PTPRF: variants seen among roughly 807,000 people sequenced by gnomAD.
PTPRF encodes protein tyrosine phosphatase receptor type F.
Under a neutral mutation model 201.8 loss-of-function variants are expected in PTPRF, and 59 were observed. The observed-to-expected ratio is 0.29, with a 90% CI of 0.24 to 0.36. The LOEUF is 0.36. Among genes scored for constraint, PTPRF ranks in the 10% least tolerant of loss-of-function variants. The pLI, the probability that PTPRF is intolerant of heterozygous loss-of-function variation, is 1.00. For synonymous variants in PTPRF, 1,088 were observed against 1,089.7 expected (o/e 1.00, Z 0.03); for missense variants, 2,132 against 2,690.5 (o/e 0.79, Z 4.59).
chr1:43,573,572 C>A (rs1387888060), intron 6 of PTPRF, among the ~76,000 whole-genome samples: 1 of 152,216 alleles, frequency 6.6e-6, no homozygotes, highest in African/African-American at 2.4e-5. Flanking sequence ...TGTCCCCACC[C>A]CACTCTGCTC....
intron 1 of PTPRF, 28 bp from the exon 2 acceptor site, chr1:43,538,170 G>A (rs1157832015): frequency 7.5e-6 from 3 of 398,440 alleles, no homozygotes; most frequent in African/African-American, 6.2e-5. Flanking sequence ...AATTCTTGAT[G>A]TTTTCTCATG....
At position 43,575,962 on chromosome 1, in the gene PTPRF, G is replaced by A. The variant is rs765068090; in HGVS notation, c.569-2848G>A. The A allele has an allele frequency of 3.2e-5, 43 of 1,363,534 alleles. No individual in the cohort carries two copies. The South Asian group carries it at 4.9e-4, about 16-fold the overall frequency. The allele number at this position is 1,363,534 out of a possible 1,614,324, so 84.5% of individuals were successfully genotyped here. ...CTGTCCGTGCCTCTCGCCACACCAC[G>A]CCTTGCCACTGCCGTCACCTCCACT... On this transcript the variant is annotated intron_variant, in intron 6 of 33. Transcript: ENST00000359947.
Position 43,603,882 on chromosome 1 carries a change from C to A in PTPRF, c.2730C>A (p.Thr910=). ...LGEEFEKEIR[T]PEDLPSGFPQ... is the part of the protein sequence containing the mutation. Reference sequence around the variant, plus strand: ...AGGAGTTCGAGAAGGAGATCAGGACCCCCGAGGACCTGCCCAGCGGCTTCC... The same window carrying A: ...AGGAGTTCGAGAAGGAGATCAGGACACCCGAGGACCTGCCCAGCGGCTTCC... The change falls in exon 16 of 34, where the codon ACC becomes ACA. Residue 910 remains threonine, a synonymous_variant. Transcript: ENST00000359947. The surrounding 1 kb of genome is among the most constrained non-coding windows in gnomAD (Gnocchi z 5.8). 1 of 1,614,098 alleles carries A rather than the reference C, an allele frequency of 6.2e-7. No individual in the cohort carries two copies.
chr1:43,580,994 C>G (rs79576378), intron 7 of PTPRF, among the ~76,000 whole-genome samples: 18 of 152,398 alleles, frequency 1.2e-4, no homozygotes, highest in African/African-American at 4.1e-4. Context: ...GACTAGGCAG[C>G]ATTCTCTGAA....
At chr1:43,551,335 G>A (rs1645026396) in intron 3 of PTPRF, among the ~76,000 whole-genome samples, 1 of 152,154 alleles carries the variant, frequency 6.6e-6, no homozygotes, top group Non-Finnish European at 1.5e-5. Context: ...CAGGAGAGTC[G>A]TGTCTGAGAG....
chr1:43,599,772 AG>A (rs1460275877), intron 13 of PTPRF, among the ~76,000 whole-genome samples: 1 of 152,192 alleles, frequency 6.6e-6, no homozygotes, highest in African/African-American at 2.4e-5. Context: ...TTCAGCAAGT[AG>A]GTGGCTGCTG....
At position 43,605,398 on chromosome 1, in the gene PTPRF, G is replaced by A. The variant is rs780287442; in HGVS notation, c.3344G>A (p.Arg1115His). 103 of 1,613,482 alleles carry A rather than the reference G, an allele frequency of 6.4e-5. No individual in the cohort carries two copies. Among genetic ancestry groups the A allele is most frequent in the South Asian group, 4.7e-4 (43 of 91,046 alleles). ...LPASAYIEDG[R>H]FDLSMPHVQD... ...GCCTCTGCCTACATAGAGGACGGCC[G>A]CTTCGATCTCTCCATGCCCCATGTG... The change falls in exon 18 of 34, where the codon CGC (arginine) becomes CAC (histidine). Residue 1115 changes from arginine (R) to histidine (H), a missense_variant. This residue lies in a region of PTPRF where 818 missense variants were observed against 915.3 expected (regional missense o/e 0.89). Coordinates refer to ENST00000359947, the MANE Select transcript of PTPRF (RefSeq NM_002840.5).
chr1:43,592,604 A>G lies in PTPRF; in HGVS notation c.1813+3A>G. 1 of 1,581,610 alleles carries G rather than the reference A, an allele frequency of 6.3e-7. No individual in the cohort carries two copies. The highest frequency in any genetic ancestry group is 8.6e-7 in the Non-Finnish European group (1 of 1,163,280). ...TGAGGCCCGCACAGCCCAGTCCAGT[A>G]AGTGTCTCCCAAGTCCGCTGCCTGT... On this transcript the variant is annotated splice_donor_region_variant and intron_variant, in intron 11 of 33. Coordinates refer to ENST00000359947, the MANE Select transcript of PTPRF (RefSeq NM_002840.5).
chr1:43,541,632 C>T (rs1644369288), intron 2 of PTPRF, among the ~76,000 whole-genome samples: 2 of 152,226 alleles, frequency 1.3e-5, no homozygotes, highest in South Asian at 4.1e-4. Context: ...CTGCTATCTG[C>T]TGTCCCCATC....
rs759136731 is a variant in PTPRF at position 43,591,274 on chromosome 1, C to T, written c.1252C>T (p.Arg418Cys). ...AGAACAGGCGCCCTCCAGCCCACCG[C>T]GCCGCGTGCAGGCACGCATGCTGAG... ...TGEQAPSSPP[R>C]RVQARMLSAS... Residue 418 changes from arginine to cysteine, a missense_variant, in exon 9 of 34, where the codon CGC becomes TGC. By Grantham distance (180) the Arg-to-Cys change is radical. This residue lies in a region of PTPRF where 351 missense variants were observed against 401.7 expected (regional missense o/e 0.87). Transcript: ENST00000359947. 5.8e-6 allele frequency: 9 copies of T among 1,559,698 alleles called. No homozygotes were observed. The highest frequency in any genetic ancestry group is 3.8e-5 in the Admixed American group (2 of 52,358).
At chr1:43,574,770 C>G (rs527736545) in intron 6 of PTPRF, among the ~76,000 whole-genome samples, 42 of 152,366 alleles carry the variant, frequency 2.8e-4, no homozygotes, top group African/African-American at 9.6e-4. Context: ...TTTGCCCTCT[C>G]CCCTGCCTCT....
intron 7 of PTPRF, among the ~76,000 whole-genome samples, chr1:43,584,752 G>A (rs1648677019): frequency 6.6e-6 from 1 of 152,230 alleles, no homozygotes; most frequent in African/African-American, 2.4e-5. Flanking sequence ...CTCTGCGGCA[G>A]CCACAAGGTT....
At chr1:43,563,234 G>A (rs1645928850) in intron 5 of PTPRF, among the ~76,000 whole-genome samples, 1 of 151,798 alleles carries the variant, frequency 6.6e-6, no homozygotes, top group African/African-American at 2.4e-5. Context: ...GCTACCTGTA[G>A]GATTGGGGAG....
chr1:43,565,937 G>T (rs990835287), intron 5 of PTPRF, among the ~76,000 whole-genome samples: 10 of 152,216 alleles, frequency 6.6e-5, no homozygotes, highest in African/African-American at 2.4e-4. Context: ...GCGGGGAGGG[G>T]CCCTTCCTCC....
At chr1:43,574,185 A>G (rs1570165653) in intron 6 of PTPRF, among the ~76,000 whole-genome samples, 1 of 151,384 alleles carries the variant, frequency 6.6e-6, no homozygotes, top group Non-Finnish European at 1.5e-5. Context: ...TAGTAGAGAC[A>G]GGGTTTCACC....
chr1:43,588,581 A>T lies in PTPRF; in HGVS notation c.680-150A>T. ...GAAGTGGGTGGGGTGGGAGTGGATGATGAGCTGGGGTCTGGCGGTGCCACC... is the reference window on the plus strand; with the variant it reads ...GAAGTGGGTGGGGTGGGAGTGGATGTTGAGCTGGGGTCTGGCGGTGCCACC... On this transcript the variant is annotated intron_variant, in intron 7 of 33. Coordinates refer to ENST00000359947, the MANE Select transcript of PTPRF (RefSeq NM_002840.5). This position sits in a 1 kb window ranked among gnomAD's most constrained non-coding sequence, Gnocchi z 5.3. 1 of 1,021,620 alleles carries T rather than the reference A, an allele frequency of 9.8e-7. No individual in the cohort carries two copies. Among genetic ancestry groups the T allele is most frequent in the Non-Finnish European group, 1.4e-6 (1 of 719,672 alleles). 63.3% of individuals were successfully genotyped at this position (1,021,620 alleles called of 1,614,324 possible).
chr1:43,587,523 A>G (rs909267432), intron 7 of PTPRF, among the ~76,000 whole-genome samples: 3 of 152,160 alleles, frequency 2.0e-5, no homozygotes, highest in South Asian at 4.1e-4. Context: ...AGTTGCTTCT[A>G]GCTCTAGTTC....
chr1:43,621,368 CATG>C, intron 33 of PTPRF, 136 bp downstream of exon 33: 1 of 1,226,384 alleles, frequency 8.2e-7, no homozygotes, highest in Non-Finnish European at 1.1e-6. Flanking sequence ...CTGCGATAGG[CATG>C]GTGGTGTGTG....
intron 5 of PTPRF, among the ~76,000 whole-genome samples, chr1:43,568,153 G>A (rs182056592): frequency 1.7e-4 from 26 of 152,196 alleles, no homozygotes; most frequent in Admixed American, 1.4e-3. Context: ...AAATTTGCCG[G>A]GCGTGGTGGT....
Sources: gnomAD v4.1 joint callset for allele counts (sites outside exome capture counted in the v4.1 genomes callset) on GRCh38, gnomAD v4.1.1 for gene constraint, gnomAD v4.1.1 regional missense constraint, Gnocchi (gnomAD v3.1) non-coding constraint, MANE v1.5 for transcripts, NCBI Gene and HGNC (gene_info 2026-07-23, HGNC 2026-07-21) for gene names.